The following ZBTB20 variants were observed in gnomAD, a reference collection of about 807,000 sequenced individuals.
ZBTB20 encodes the protein zinc finger and BTB domain containing 20.
In ZBTB20, 9 loss-of-function variants were observed where a neutral mutation model predicts 56.9. The ratio of observed to expected loss-of-function variants is 0.16; its 90% CI spans 0.10 to 0.28. The LOEUF is 0.28. Among genes scored for constraint, ZBTB20 ranks in the 10% least tolerant of loss-of-function variants. ZBTB20 has a pLI of 1.00. For missense variants in ZBTB20, 655 were observed against 1,003.0 expected, an observed-to-expected ratio of 0.65 and a Z score of 4.69; for synonymous variants, 417 against 420.7, an observed-to-expected ratio of 0.99 and a Z score of 0.11.
chr3:114,582,366 T>C (rs1160162824), intron 6 of ZBTB20: 1 of 152,084 alleles, frequency 6.6e-6, no homozygotes, highest in South Asian at 2.1e-4. Context: ...ATATTATCCT[T>C]TATACTTCCA....
chr3:114,908,723 TAAAAA>T (rs925774756), intron 3 of ZBTB20, among the ~76,000 whole-genome samples: 3 of 151,086 alleles, frequency 2.0e-5, no homozygotes, highest in African/African-American at 7.3e-5. Flanking sequence ...AGGGCCAAAA[TAAAAA>T]AAGAAAGAAA....
intron 6 of ZBTB20, among the ~76,000 whole-genome samples, chr3:114,569,865 TTCTC>T (rs541608691): frequency 8.6e-4 from 131 of 151,688 alleles, no homozygotes; most frequent in African/African-American, 2.9e-3. Flanking sequence ...TTCTTGTCCA[TTCTC>T]TCTCTCTCTC....
intron 3 of ZBTB20, chr3:114,900,545 A>G (rs1419841645): frequency 6.6e-6 from 1 of 151,602 alleles, no homozygotes. Flanking sequence ...ACACACACAC[A>G]CACAGAGTCC....
rs113499276 is a variant in ZBTB20 at position 114,466,949 on chromosome 3, C to T, written c.-255+33403G>A. The stretch of plus-strand genomic sequence containing the variant: ...TTGAGGAATATCATTTGCTATTCAG[C>T]GGTGGACACTGACAAAGTTACCTGA... On this transcript the variant is annotated intron_variant, in intron 7 of 11. Coordinates refer to ENST00000675478, the MANE Select transcript of ZBTB20 (RefSeq NM_001348800.3). Among the ~76,000 whole-genome samples the T allele has an allele frequency of 7.0e-3, 1,073 of 152,240 alleles. 8 individuals are homozygous for T. The highest frequency in any genetic ancestry group is 0.014 in the Middle Eastern group (4 of 294).
rs900002282 is a variant in ZBTB20, at chr3:114,319,781, A to G, written c.*19224T>C. The G allele has an allele frequency of 4.6e-5, 7 of 151,378 alleles. No individual in the cohort carries two copies. The highest frequency in any genetic ancestry group is 6.6e-5 in the Admixed American group (1 of 15,158). The allele number at this position is 151,378 out of a possible 1,614,324, so 9.4% of individuals were successfully genotyped here. ...GTCCATGTGTGTACTGTACACATAC[A>G]TCTTGAAAAACCACTTTCTCAAGCA... On this transcript the variant is annotated 3_prime_UTR_variant, in exon 12 of 12. Transcript: ENST00000675478.
At chr3:114,555,619 C>T (rs913632719) in intron 6 of ZBTB20, among the ~76,000 whole-genome samples, 6 of 152,212 alleles carry the variant, frequency 3.9e-5, no homozygotes, top group East Asian at 1.9e-4. Context: ...TCCAAACACT[C>T]CTCTTCCAAG....
chr3:114,927,527 A>C (rs1437638079), intron 3 of ZBTB20, among the ~76,000 whole-genome samples: 1 of 152,190 alleles, frequency 6.6e-6, no homozygotes, highest in South Asian at 2.1e-4. Flanking sequence ...CAAAAGTTTC[A>C]AAACCAACAC....
At chr3:114,603,809 A>G (rs968904654) in intron 6 of ZBTB20, among the ~76,000 whole-genome samples, 1 of 152,022 alleles carries the variant, frequency 6.6e-6, no homozygotes, top group African/African-American at 2.4e-5. Context: ...GACATCACTT[A>G]TAATTTTAAA....
chr3:114,614,732 A>G (rs1301695434), intron 6 of ZBTB20, among the ~76,000 whole-genome samples: 1 of 121,296 alleles, frequency 8.2e-6, no homozygotes, highest in Non-Finnish European at 1.9e-5. Context: ...CATAGTGGCC[A>G]CTTTTTTTGT....
chr3:114,538,812 G>A (rs1385224507), intron 6 of ZBTB20, among the ~76,000 whole-genome samples: 2 of 152,088 alleles, frequency 1.3e-5, no homozygotes, highest in East Asian at 3.8e-4. Flanking sequence ...AAAAAGCACA[G>A]TTATGAAATA....
At chr3:114,695,434 G>A (rs780209043) in intron 5 of ZBTB20, among the ~76,000 whole-genome samples, 31 of 151,992 alleles carry the variant, frequency 2.0e-4, no homozygotes, top group Non-Finnish European at 4.1e-4. Flanking sequence ...TGAAAGGTCA[G>A]TCCTGCCCTA....
intron 1 of ZBTB20, among the ~76,000 whole-genome samples, chr3:115,134,700 T>C (rs1484849004): frequency 6.6e-6 from 1 of 152,234 alleles, no homozygotes; most frequent in African/African-American, 2.4e-5. Flanking sequence ...TCAGTTTTCA[T>C]GTTTTCGCCA....
At chr3:115,055,504 A>G (rs935949525) in intron 2 of ZBTB20, among the ~76,000 whole-genome samples, 1 of 152,144 alleles carries the variant, frequency 6.6e-6, no homozygotes, top group Non-Finnish European at 1.5e-5. Context: ...TAAGCTGCTA[A>G]GTCTGTGGTA....
chr3:114,563,919 CT>C (rs2052403965), intron 6 of ZBTB20, among the ~76,000 whole-genome samples: 1 of 152,172 alleles, frequency 6.6e-6, no homozygotes, highest in Non-Finnish European at 1.5e-5. Flanking sequence ...TTTCCTATCG[CT>C]GCTGTAACAA....
At chr3:115,114,930 A>G (rs2083977981) in intron 1 of ZBTB20, among the ~76,000 whole-genome samples, 1 of 152,132 alleles carries the variant, frequency 6.6e-6, no homozygotes, top group African/African-American at 2.4e-5. Context: ...AGAAAAATGC[A>G]TAACTGCCAT....
chr3:114,442,639 G>A (rs1442927522), intron 7 of ZBTB20, among the ~76,000 whole-genome samples: 1 of 152,098 alleles, frequency 6.6e-6, no homozygotes, highest in African/African-American at 2.4e-5. Context: ...TGGAACTTCT[G>A]GCTGATTAAA....
chr3:114,989,702 A>T (rs1480270980), intron 2 of ZBTB20, among the ~76,000 whole-genome samples: 2 of 152,102 alleles, frequency 1.3e-5, no homozygotes. Context: ...CAGTATGGCC[A>T]TTTTCATGAT....
chr3:114,620,416 C>T (rs1426583250), intron 6 of ZBTB20, among the ~76,000 whole-genome samples: 1 of 152,102 alleles, frequency 6.6e-6, no homozygotes, highest in Non-Finnish European at 1.5e-5. Context: ...CCTCAGCCTC[C>T]CGAGCAGCTA....
intron 6 of ZBTB20, among the ~76,000 whole-genome samples, chr3:114,641,225 C>T (rs1325139971): frequency 6.6e-6 from 1 of 151,850 alleles, no homozygotes; most frequent in Non-Finnish European, 1.5e-5. Flanking sequence ...TTTGGCCAAG[C>T]ATGTTGTAGC....
Sources: gnomAD v4.1 joint callset for allele counts (sites outside exome capture counted in the v4.1 genomes callset) on GRCh38, gnomAD v4.1.1 for gene constraint, MANE v1.5 for transcripts, NCBI Gene and HGNC (gene_info 2026-07-23, HGNC 2026-07-21) for gene names.